Variants in CKAP5 observed in about 807,000 individuals in gnomAD.
CKAP5 encodes cytoskeleton associated protein 5, also known as cytoskeleton-associated protein 5.
A neutral mutation model predicts 232.8 loss-of-function variants in CKAP5; 27 were observed. That is an observed-to-expected ratio of 0.12 (90% CI 0.09 to 0.16). The LOEUF (loss-of-function observed/expected upper bound fraction) is 0.16. Among genes scored for constraint, CKAP5 ranks in the 10% least tolerant of loss-of-function variants. The pLI is 1.00. For synonymous variants in CKAP5, 785 were observed against 841.1 expected (o/e 0.93, Z 1.16); for missense variants, 1,838 against 2,424.7 (o/e 0.76, Z 5.08).
Position 46,770,879 on chromosome 11 carries a change from C to G in CKAP5, c.3095G>C (p.Gly1032Ala), listed in dbSNP as rs1376459519. 2.5e-6 allele frequency: 4 copies of G among 1,614,154 alleles called. No homozygotes were observed. Among genetic ancestry groups the G allele is most frequent in the African/African-American group, 2.7e-5 (2 of 75,030 alleles). Residue 1032 changes from glycine to alanine, a missense_variant, in exon 25 of 44, where the codon GGA becomes GCA. Gly to Ala is a moderately conservative substitution (Grantham distance 60, BLOSUM62 0). Coordinates refer to ENST00000529230, the MANE Select transcript of CKAP5 (RefSeq NM_001008938.4). ...ATCTTGGGCCTTCTTTCGCACATCT[C>G]CATTTCGATCTTCTAGGCAGGAGTA... Reference protein sequence around the residue: ...HLYSCLEDRNGDVRKKAQDAL... With the variant: ...HLYSCLEDRNADVRKKAQDAL...
chr11:46,821,418 GGAC>G (rs1939522045), intron 1 of CKAP5, 150 bp from the exon 2 acceptor site: 1 of 373,756 alleles, frequency 2.7e-6, no homozygotes, highest in African/African-American at 2.5e-5. Flanking sequence ...TCAATTAACA[GGAC>G]TTTTTTTTTT....
At chr11:46,808,527 C>G (rs1260527548) in intron 7 of CKAP5, among the ~76,000 whole-genome samples, 1 of 151,914 alleles carries the variant, frequency 6.6e-6, no homozygotes, top group Non-Finnish European at 1.5e-5. Flanking sequence ...GGCGACAGAG[C>G]GAGACTCCGT....
chr11:46,795,721 G>C lies in CKAP5; in HGVS notation c.1523C>G (p.Ala508Gly). The C allele has an allele frequency of 6.2e-7, 1 of 1,614,020 alleles. No homozygotes were observed. The highest frequency in any genetic ancestry group is 8.5e-7 in the Non-Finnish European group (1 of 1,179,958). The change falls in exon 13 of 44, where the codon GCT (alanine) becomes GGT (glycine). Residue 508 changes from alanine (A) to glycine (G), a missense_variant. This residue lies in a region of CKAP5 where 767 missense variants were observed against 954.6 expected (regional missense o/e 0.80). Transcript: ENST00000529230. The part of the protein sequence containing the change: ...ELIHGKKAGL[A>G]ADKKEFKPLP... ...AGGTTTGAATTCCTTCTTATCAGCA[G>C]CTAGTCCAGCTTTCTTACCATGTAT...
intron 4 of CKAP5, 37 bp from the exon 5 acceptor site, chr11:46,811,215 C>CA: frequency 6.6e-7 from 1 of 1,522,470 alleles, no homozygotes; most frequent in African/African-American, 1.4e-5. Flanking sequence ...TGTCAACGTG[C>CA]AATGCAATTA....
At chr11:46,789,030 A>G (rs1162843243) in intron 15 of CKAP5, among the ~76,000 whole-genome samples, 3 of 152,244 alleles carry the variant, frequency 2.0e-5, no homozygotes, top group Non-Finnish European at 4.4e-5. Context: ...TTTATCTCAC[A>G]TTTCAGGAAT....
intron 1 of CKAP5, among the ~76,000 whole-genome samples, chr11:46,835,449 T>C (rs537889203): frequency 1.8e-4 from 27 of 151,002 alleles, no homozygotes; most frequent in African/African-American, 6.3e-4. Flanking sequence ...TGGAGCATAT[T>C]AAAGTACCAG....
chr11:46,811,773 G>A (rs1384148852), intron 4 of CKAP5, among the ~76,000 whole-genome samples: 1 of 152,120 alleles, frequency 6.6e-6, no homozygotes, highest in Non-Finnish European at 1.5e-5. Context: ...ACCACACCCA[G>A]CCTAATACCA....
chr11:46,835,695 A>C (rs1939900552), intron 1 of CKAP5, among the ~76,000 whole-genome samples: 1 of 152,184 alleles, frequency 6.6e-6, no homozygotes, highest in African/African-American at 2.4e-5. Context: ...AATGGGTGAA[A>C]AGAGACAAAT....
chr11:46,835,717 AATTC>A (rs1658232753), intron 1 of CKAP5, among the ~76,000 whole-genome samples: 1 of 152,184 alleles, frequency 6.6e-6, no homozygotes, highest in Non-Finnish European at 1.5e-5. Context: ...TTCCTTACAA[AATTC>A]CGAATATATG....
intron 28 of CKAP5, among the ~76,000 whole-genome samples, chr11:46,763,896 C>T (rs763821652): frequency 3.3e-5 from 5 of 152,150 alleles, no homozygotes; most frequent in Non-Finnish European, 7.4e-5. Flanking sequence ...AGTGCAGTGG[C>T]ATGATCATAG....
intron 3 of CKAP5, among the ~76,000 whole-genome samples, chr11:46,817,846 A>C (rs1397548409): frequency 6.6e-6 from 1 of 152,202 alleles, no homozygotes; most frequent in Non-Finnish European, 1.5e-5. Flanking sequence ...CCCAAGAAAT[A>C]AAAATGCCTA....
intron 1 of CKAP5, among the ~76,000 whole-genome samples, chr11:46,826,198 A>G (rs1939648162): frequency 6.6e-6 from 1 of 152,132 alleles, no homozygotes. Context: ...TGTGCTCTTT[A>G]TATCAGGAGG....
At chr11:46,829,042 T>C (rs1224433207) in intron 1 of CKAP5, among the ~76,000 whole-genome samples, 1 of 152,162 alleles carries the variant, frequency 6.6e-6, no homozygotes, top group Admixed American at 6.5e-5. Context: ...ACACAAAAAA[T>C]GAGACATTCG....
Position 46,744,610 on chromosome 11 carries a change from T to G in CKAP5, c.5705-33A>C, listed in dbSNP as rs188807303. Reference sequence around the variant, plus strand: ...GGAAAAAGTAGAAAGAATATTCAGATATCCACATATCCCCCTTCTAAAGTG... The same window carrying G: ...GGAAAAAGTAGAAAGAATATTCAGAGATCCACATATCCCCCTTCTAAAGTG... On this transcript the variant is annotated intron_variant, in intron 42 of 43. Coordinates refer to ENST00000529230, the MANE Select transcript of CKAP5 (RefSeq NM_001008938.4). 68 of 1,591,544 alleles carry G rather than the reference T, an allele frequency of 4.3e-5. No homozygotes were observed. In the Middle Eastern group the frequency reaches 6.7e-4, roughly 16 times the overall value.
intron 1 of CKAP5, among the ~76,000 whole-genome samples, chr11:46,823,839 G>A (rs995187461): frequency 3.3e-5 from 5 of 152,056 alleles, no homozygotes; most frequent in African/African-American, 1.2e-4. Flanking sequence ...CAGGCTGGCC[G>A]ATTTTTCAAT....
chr11:46,815,814 G>A (rs1349921518), intron 4 of CKAP5, among the ~76,000 whole-genome samples: 2 of 152,044 alleles, frequency 1.3e-5, no homozygotes, highest in African/African-American at 4.8e-5. Flanking sequence ...GTTTAAACCC[G>A]GAATCCAAAC....
At chr11:46,821,400 C>T (rs1016310950) in intron 1 of CKAP5, 132 bp from the exon 2 acceptor site, 6 of 498,376 alleles carry the variant, frequency 1.2e-5, no homozygotes, top group South Asian at 5.7e-5. Flanking sequence ...GTCAGATCCC[C>T]ACTTAATTCA....
Position 46,743,844 on chromosome 11 carries a change from T to G in CKAP5, c.*179A>C. ...ACAGTCTTCTAGAGCAGCAGGACGC[T>G]GACAGAGAGAAGCAGAGTATGTACA... On this transcript the variant is annotated 3_prime_UTR_variant, in exon 44 of 44. Transcript: ENST00000529230. The G allele has an allele frequency of 1.4e-6, 1 of 737,798 alleles. No individual in the cohort carries two copies. Among genetic ancestry groups the G allele is most frequent in the African/African-American group, 1.8e-5 (1 of 56,796 alleles). The allele number at this position is 737,798 out of a possible 1,614,324, so 45.7% of individuals were successfully genotyped here.
chr11:46,808,497 C>A (rs1328095410), intron 7 of CKAP5, among the ~76,000 whole-genome samples: 1 of 152,040 alleles, frequency 6.6e-6, no homozygotes, highest in Admixed American at 6.5e-5. Context: ...GCCAAGATCG[C>A]GCCACTGCAC....
Sources: gnomAD v4.1 joint callset for allele counts (sites outside exome capture counted in the v4.1 genomes callset) on GRCh38, gnomAD v4.1.1 for gene constraint, gnomAD v4.1.1 regional missense constraint, MANE v1.5 for transcripts, NCBI Gene and HGNC (gene_info 2026-07-23, HGNC 2026-07-21) for gene names.